Variants in SNX24 observed in about 807,000 individuals in gnomAD.
The protein encoded by SNX24 is sorting nexin-24.
Under a neutral mutation model 28.7 loss-of-function variants are expected in SNX24, and 22 were observed. That is an observed-to-expected ratio of 0.77 (90% CI 0.55 to 1.10). The LOEUF (loss-of-function observed/expected upper bound fraction) is 1.10. Among genes scored for constraint, SNX24 ranks in the 50% least tolerant of loss-of-function variants. The pLI is 0.00. For missense variants in SNX24, 221 were observed against 201.1 expected, an observed-to-expected ratio of 1.10 and a Z score of -0.60; for synonymous variants, 69 against 71.5, an observed-to-expected ratio of 0.96 and a Z score of 0.18.
intron 1 of SNX24, among the ~76,000 whole-genome samples, chr5:122,889,549 T>A (rs1756858668): frequency 6.6e-6 from 1 of 151,384 alleles, no homozygotes; most frequent in Non-Finnish European, 1.5e-5. Context: ...CTAAAACCCT[T>A]TTTGTCTCAG....
intron 6 of SNX24, among the ~76,000 whole-genome samples, chr5:123,006,788 G>A (rs1250484187): frequency 6.6e-6 from 1 of 152,178 alleles, no homozygotes; most frequent in East Asian, 1.9e-4. Flanking sequence ...TAGCCTCTGA[G>A]AGCCTTTCTG....
chr5:122,965,121 A>G (rs1760664495), intron 3 of SNX24, among the ~76,000 whole-genome samples: 1 of 152,246 alleles, frequency 6.6e-6, no homozygotes, highest in African/African-American at 2.4e-5. Context: ...TGTAACTGGT[A>G]AAGATTAATG....
At chr5:122,852,177 T>C (rs961612602) in intron 1 of SNX24, among the ~76,000 whole-genome samples, 8 of 151,672 alleles carry the variant, frequency 5.3e-5, no homozygotes, top group Non-Finnish European at 1.5e-5. Context: ...TTAAAAATTT[T>C]ATTTTACTTC....
intron 1 of SNX24, among the ~76,000 whole-genome samples, chr5:122,858,434 A>G (rs771072600): frequency 2.6e-5 from 4 of 152,242 alleles, no homozygotes; most frequent in Non-Finnish European, 5.9e-5. Flanking sequence ...CAAACAAGGT[A>G]AAGCCTGTAT....
chr5:122,859,023 C>T (rs1250163439), intron 1 of SNX24, among the ~76,000 whole-genome samples: 1 of 152,134 alleles, frequency 6.6e-6, no homozygotes, highest in Admixed American at 6.6e-5. Context: ...GCTAGAATTA[C>T]AGGTGTGAGC....
chr5:122,872,928 C>T lies in SNX24; in HGVS notation c.60+27235C>T, dbSNP rs534402189. 1.3e-4 allele frequency among the ~76,000 whole-genome samples: 20 copies of T among 151,734 alleles called. No individual in the cohort carries two copies. In the East Asian group the frequency reaches 3.7e-3, roughly 28 times the overall value. ...AGTGTTCGTTCAGGTTCAGATGAGG[C>T]CAGTTTTAATGAACATCATTTTAAC... On this transcript the variant is annotated intron_variant, in intron 1 of 6. Coordinates refer to ENST00000261369, the MANE Select transcript of SNX24 (RefSeq NM_014035.4).
chr5:122,968,702 A>C (rs1024085516), intron 3 of SNX24, among the ~76,000 whole-genome samples: 3 of 152,198 alleles, frequency 2.0e-5, no homozygotes, highest in African/African-American at 4.8e-5. Flanking sequence ...AACAGCAATC[A>C]CTGTGTTGCA....
chr5:122,901,843 G>A (rs1372102906), intron 1 of SNX24, among the ~76,000 whole-genome samples: 4 of 152,140 alleles, frequency 2.6e-5, no homozygotes, highest in Non-Finnish European at 5.9e-5. Flanking sequence ...GCTCTGACTT[G>A]CTTCTTAATG....
intron 1 of SNX24, among the ~76,000 whole-genome samples, chr5:122,873,251 C>T (rs978997631): frequency 4.6e-5 from 7 of 152,108 alleles, no homozygotes; most frequent in Non-Finnish European, 5.9e-5. Context: ...CTGGGATTTC[C>T]GGCATGAGAC....
intron 6 of SNX24, among the ~76,000 whole-genome samples, chr5:123,007,210 C>T (rs1458933940): frequency 6.6e-6 from 1 of 152,134 alleles, no homozygotes; most frequent in Non-Finnish European, 1.5e-5. Flanking sequence ...TGCTCTCTTT[C>T]GAAGCTAGTC....
intron 1 of SNX24, among the ~76,000 whole-genome samples, chr5:122,892,273 C>T (rs1757006260): frequency 6.6e-6 from 1 of 151,902 alleles, no homozygotes; most frequent in Admixed American, 6.6e-5. Context: ...TTAGTTGAAG[C>T]CTCAGAAAGT....
chr5:122,945,317 A>C (rs1759636508), intron 2 of SNX24, among the ~76,000 whole-genome samples: 1 of 152,212 alleles, frequency 6.6e-6, no homozygotes, highest in South Asian at 2.1e-4. Context: ...AATTTAACCA[A>C]ATCTTCAAAG....
chr5:122,911,581 T>C (rs1757890972), intron 1 of SNX24, among the ~76,000 whole-genome samples: 2 of 149,800 alleles, frequency 1.3e-5, no homozygotes, highest in Non-Finnish European at 3.0e-5. Context: ...TAGGTTTTCT[T>C]CTAGGGTTTT....
chr5:122,865,243 A>G (rs1027780921), intron 1 of SNX24, among the ~76,000 whole-genome samples: 5 of 152,252 alleles, frequency 3.3e-5, no homozygotes, highest in African/African-American at 9.6e-5. Flanking sequence ...TCAACTTGGT[A>G]TTCATACACA....
chr5:122,884,443 C>G (rs2081012), intron 1 of SNX24, among the ~76,000 whole-genome samples: 4,058 of 151,770 alleles, frequency 0.027, 96 homozygotes, highest in East Asian at 0.041. Flanking sequence ...GGTGGGGTTT[C>G]ACCATGCTGG....
intron 5 of SNX24, among the ~76,000 whole-genome samples, chr5:123,016,257 G>A (rs1040990923): frequency 6.6e-6 from 1 of 152,194 alleles, no homozygotes; most frequent in Non-Finnish European, 1.5e-5. Context: ...ATTTGGGCAG[G>A]CAAGGGCCCT....
At chr5:122,943,264 T>C (rs949183429) in intron 2 of SNX24, among the ~76,000 whole-genome samples, 1 of 152,178 alleles carries the variant, frequency 6.6e-6, no homozygotes, top group African/African-American at 2.4e-5. Context: ...CTGTTTCACA[T>C]AATAAAGCCT....
chr5:122,880,936 A>G (rs912462825), intron 1 of SNX24, among the ~76,000 whole-genome samples: 3 of 152,158 alleles, frequency 2.0e-5, no homozygotes, highest in Non-Finnish European at 2.9e-5. Context: ...GCCTCACACA[A>G]TATCATTTGG....
At chr5:122,999,806 C>A in intron 3 of SNX24, 106 bp from the exon 4 acceptor site, 1 of 743,800 alleles carries the variant, frequency 1.3e-6, no homozygotes. Flanking sequence ...AGGAATGTTG[C>A]TGGTAAGAAC....
Sources: gnomAD v4.1 joint callset for allele counts (sites outside exome capture counted in the v4.1 genomes callset) on GRCh38, gnomAD v4.1.1 for gene constraint, MANE v1.5 for transcripts, NCBI Gene and HGNC (gene_info 2026-07-23, HGNC 2026-07-21) for gene names.